Variants in CDH13 observed in about 807,000 individuals in gnomAD.
CDH13 encodes cadherin 13.
Under a neutral mutation model 63.8 loss-of-function variants are expected in CDH13, and 24 were observed. That is an observed-to-expected ratio of 0.38 (90% CI 0.27 to 0.53). CDH13 has a LOEUF of 0.53. Ranked by LOEUF, CDH13 falls within the 20% of genes least tolerant of loss-of-function variation. CDH13 has a pLI of 0.85. For missense variants in CDH13, 1,049 were observed against 903.1 expected, an observed-to-expected ratio of 1.16 and a Z score of -2.07; for synonymous variants, 503 against 355.3, an observed-to-expected ratio of 1.42 and a Z score of -4.67.
chr16:83,399,863 A>T (rs1024237374), intron 6 of CDH13, among the ~76,000 whole-genome samples: 32 of 152,184 alleles, frequency 2.1e-4, no homozygotes, highest in African/African-American at 7.2e-4. Context: ...TGTGAGAGTG[A>T]AGAAACAAAA....
intron 2 of CDH13, among the ~76,000 whole-genome samples, chr16:82,872,780 A>G (rs2040388099): frequency 6.6e-6 from 1 of 152,206 alleles, no homozygotes; most frequent in Non-Finnish European, 1.5e-5. Context: ...ATGGAAAAGG[A>G]AAAGATGTAT....
chr16:82,740,325 G>T (rs983755237), intron 1 of CDH13, among the ~76,000 whole-genome samples: 1 of 152,130 alleles, frequency 6.6e-6, no homozygotes, highest in African/African-American at 2.4e-5. Flanking sequence ...TTCTCCATTT[G>T]GTGAAACTGG....
rs1254285478 is a variant in CDH13, at chr16:83,748,126, C to T, written c.1557C>T (p.Asp519=). ...TTTTCAGGTATTCTGTTTACAAGGA[C>T]CCAGCAGGTTGGCTGAATATTAACC... ...HQTIRYSVYK[D]PAGWLNINPI... The change falls in exon 11 of 14, where the codon GAC becomes GAT. Residue 519 remains aspartate, a synonymous_variant. Transcript: ENST00000567109. 1.9e-6 allele frequency: 3 copies of T among 1,613,806 alleles called. No homozygotes were observed. The highest frequency in any genetic ancestry group is 2.2e-5 in the South Asian group (2 of 91,058).
intron 6 of CDH13, among the ~76,000 whole-genome samples, chr16:83,411,448 C>A (rs552627695): frequency 1.3e-5 from 2 of 152,158 alleles, no homozygotes; most frequent in African/African-American, 2.4e-5. Context: ...AAAGCATGGG[C>A]CTTGTCTCTC....
At chr16:83,595,519 G>T (rs1907167737) in intron 7 of CDH13, among the ~76,000 whole-genome samples, 1 of 152,162 alleles carries the variant, frequency 6.6e-6, no homozygotes, top group African/African-American at 2.4e-5. Context: ...GTCATAAGCA[G>T]CCCTTAAACC....
rs752337271 is a variant in CDH13, at chr16:83,795,044, C to G, written c.*14C>G. Reference sequence around the variant, plus strand: ...TCAGGTCTGTGAGAACTCCTGACGTCTGAAGCTTGACTCCCAAGTTTCCAT... The same window carrying G: ...TCAGGTCTGTGAGAACTCCTGACGTGTGAAGCTTGACTCCCAAGTTTCCAT... On this transcript the variant is annotated 3_prime_UTR_variant, in exon 14 of 14. Coordinates refer to ENST00000567109, the MANE Select transcript of CDH13 (RefSeq NM_001257.5). The G allele has an allele frequency of 2.5e-6, 4 of 1,586,142 alleles. No individual in the cohort carries two copies. The highest frequency in any genetic ancestry group is 3.4e-6 in the Non-Finnish European group (4 of 1,166,180).
At chr16:82,810,287 G>A (rs1293089857) in intron 1 of CDH13, among the ~76,000 whole-genome samples, 1 of 152,158 alleles carries the variant, frequency 6.6e-6, no homozygotes, top group Non-Finnish European at 1.5e-5. Flanking sequence ...TCATTAGGCA[G>A]AACCCGTCCT....
chr16:83,341,989 C>CCACACACACACACACACA (rs756844839), intron 5 of CDH13, among the ~76,000 whole-genome samples: 135 of 138,140 alleles, frequency 9.8e-4, no homozygotes, highest in Non-Finnish European at 1.2e-3. Flanking sequence ...GTGTCCCCTG[C>CCACACACACACACACACA]CACACACACA....
rs561190796 is a variant in CDH13 at position 83,060,363 on chromosome 16, T to A, written c.366+28145T>A. ...CATTCTTAAAAATCCAGCATTTTTG[T>A]ATAGGAACAAAACTTTACTTGGATT... On this transcript the variant is annotated intron_variant, in intron 3 of 13. Coordinates refer to ENST00000567109, the MANE Select transcript of CDH13 (RefSeq NM_001257.5). Among the ~76,000 whole-genome samples the A allele has an allele frequency of 7.2e-5, 11 of 152,266 alleles. No individual in the cohort carries two copies. In the South Asian group the frequency reaches 2.3e-3, roughly 32 times the overall value.
chr16:83,162,695 C>G (rs568536808), intron 4 of CDH13, among the ~76,000 whole-genome samples: 9 of 152,232 alleles, frequency 5.9e-5, no homozygotes, highest in East Asian at 1.9e-4. Context: ...CCCTACACCA[C>G]TACCACTACC....
At chr16:83,761,691 C>T (rs1351656965) in intron 11 of CDH13, among the ~76,000 whole-genome samples, 1 of 152,116 alleles carries the variant, frequency 6.6e-6, no homozygotes, top group African/African-American at 2.4e-5. Context: ...TCACTATGTA[C>T]AGGGAAACCT....
At chr16:83,356,553 C>G (rs996223827) in intron 6 of CDH13, among the ~76,000 whole-genome samples, 1 of 152,148 alleles carries the variant, frequency 6.6e-6, no homozygotes, top group African/African-American at 2.4e-5. Flanking sequence ...AGACTCCCAT[C>G]CCTTCTGAGA....
At chr16:83,626,007 GCTT>G (rs995494998) in intron 8 of CDH13, among the ~76,000 whole-genome samples, 6 of 146,918 alleles carry the variant, frequency 4.1e-5, no homozygotes, top group Admixed American at 2.7e-4. Context: ...AAACAAGCTT[GCTT>G]CTTTTTTTTT....
chr16:83,264,700 C>G (rs1042983091), intron 5 of CDH13, among the ~76,000 whole-genome samples: 2 of 151,436 alleles, frequency 1.3e-5, no homozygotes, highest in Non-Finnish European at 2.9e-5. Flanking sequence ...TCTGCCTACC[C>G]CTAATTTCTA....
At chr16:83,572,463 T>G (rs12919509) in intron 7 of CDH13, among the ~76,000 whole-genome samples, 50,434 of 152,032 alleles carry the variant, frequency 0.33, 9,524 homozygotes, top group East Asian at 0.43. Flanking sequence ...TCTAAAACTC[T>G]CTTTCATTCC....
intron 6 of CDH13, among the ~76,000 whole-genome samples, chr16:83,371,922 A>G (rs2091374454): frequency 1.3e-5 from 2 of 152,232 alleles, no homozygotes; most frequent in South Asian, 2.1e-4. Flanking sequence ...TAGGTGTTTA[A>G]TAAATGGTAA....
At chr16:83,633,414 G>A (rs541572233) in intron 8 of CDH13, among the ~76,000 whole-genome samples, 8 of 152,310 alleles carry the variant, frequency 5.3e-5, no homozygotes, top group African/African-American at 1.9e-4. Flanking sequence ...TCTGAAGTTA[G>A]TTTTGAACAT....
chr16:83,758,932 G>C (rs1245451592), intron 11 of CDH13, among the ~76,000 whole-genome samples: 2 of 152,162 alleles, frequency 1.3e-5, no homozygotes, highest in Non-Finnish European at 2.9e-5. Flanking sequence ...TGGATTGGAA[G>C]GCTCAATGGT....
intron 4 of CDH13, among the ~76,000 whole-genome samples, chr16:83,184,146 T>TA (rs545692184): frequency 0.096 from 11,894 of 123,268 alleles, 710 homozygotes; most frequent in Middle Eastern, 0.15. Flanking sequence ...ACACAACTAG[T>TA]AAAAAAAAAA....
Sources: gnomAD v4.1 joint callset for allele counts (sites outside exome capture counted in the v4.1 genomes callset) on GRCh38, gnomAD v4.1.1 for gene constraint, MANE v1.5 for transcripts, NCBI Gene and HGNC (gene_info 2026-07-23, HGNC 2026-07-21) for gene names.